The following SOS1 variants were observed in gnomAD, a reference collection of about 807,000 sequenced individuals.
SOS1 encodes son of sevenless homolog 1.
In SOS1, 25 loss-of-function variants were observed where a neutral mutation model predicts 157.6. The ratio of observed to expected loss-of-function variants is 0.16; its 90% CI spans 0.12 to 0.22. SOS1 has a LOEUF of 0.22. SOS1 is among the 10% of genes least tolerant of loss of function. The pLI is 1.00. For missense variants in SOS1, 1,237 were observed against 1,599.1 expected (o/e 0.77, Z 3.86); for synonymous variants, 528 against 534.0 (o/e 0.99, Z 0.16).
intron 1 of SOS1, among the ~76,000 whole-genome samples, chr2:39,103,454 T>C (rs929031294): frequency 2.6e-5 from 4 of 152,104 alleles, no homozygotes; most frequent in Non-Finnish European, 4.4e-5. Flanking sequence ...AGCATAGACA[T>C]ATAGACCAAC....
intron 6 of SOS1, 138 bp downstream of exon 6, chr2:39,051,006 T>G: frequency 1.3e-6 from 1 of 797,296 alleles, no homozygotes; most frequent in South Asian, 1.4e-5. Flanking sequence ...ACAATGACCC[T>G]ATGAAAAAGG....
chr2:39,003,066 C>CAAAAAA (rs57338404), intron 17 of SOS1, among the ~76,000 whole-genome samples: 14 of 72,292 alleles, frequency 1.9e-4, no homozygotes, highest in African/African-American at 4.0e-4. Flanking sequence ...GACCTTGTAT[C>CAAAAAA]AAAAAAAAAA....
At chr2:39,009,378 T>C (rs1420236529) in intron 15 of SOS1, among the ~76,000 whole-genome samples, 13 of 152,062 alleles carry the variant, frequency 8.5e-5, no homozygotes, top group Non-Finnish European at 1.5e-5. Flanking sequence ...GAAGAAATAC[T>C]AAAGGAAGTT....
chr2:39,102,750 T>C (rs1673019646), intron 1 of SOS1, among the ~76,000 whole-genome samples: 2 of 151,808 alleles, frequency 1.3e-5, no homozygotes, highest in South Asian at 2.1e-4. Context: ...TTCAAGACCA[T>C]CCTGGCCAAC....
At chr2:39,043,772 GCCCCA>G (rs1315922646) in intron 6 of SOS1, among the ~76,000 whole-genome samples, 2 of 151,978 alleles carry the variant, frequency 1.3e-5, no homozygotes, top group Admixed American at 1.3e-4. Flanking sequence ...CATCATGGGG[GCCCCA>G]CCCCACCCTG....
At chr2:39,073,948 ATCTC>A (rs1224116221) in intron 1 of SOS1, among the ~76,000 whole-genome samples, 8 of 152,314 alleles carry the variant, frequency 5.3e-5, no homozygotes, top group Middle Eastern at 6.8e-3. Context: ...GAATAATCAA[ATCTC>A]TTTCTTAGTG....
At chr2:39,021,934 A>T (rs1487735004) in intron 10 of SOS1, among the ~76,000 whole-genome samples, 1 of 151,842 alleles carries the variant, frequency 6.6e-6, no homozygotes, top group Non-Finnish European at 1.5e-5. Flanking sequence ...TTATATGGAA[A>T]AAAATGACAA....
rs577954996 is a variant in SOS1 at position 39,061,274 on chromosome 2, G to A, written c.214-2470C>T. Among the ~76,000 whole-genome samples, 190 of 141,176 alleles carry A rather than the reference G, an allele frequency of 1.3e-3. 1 individual carries two copies. Among genetic ancestry groups the A allele is most frequent in the Non-Finnish European group, 2.3e-3 (150 of 65,314 alleles). The allele number at this position is 141,176 out of a possible 152,430, so 92.6% of individuals were successfully genotyped here. A position where few individuals can be genotyped will look rare whatever the true frequency, so the allele number is the denominator to read the frequency against. On this transcript the variant is annotated intron_variant, in intron 2 of 22. Transcript: ENST00000402219. Reference sequence around the variant, plus strand: ...TAAAAAAAAAAAAAAAAAAAAAGGTGTTTTGAATGTGGAGAGGCCATACTG... The same window carrying A: ...TAAAAAAAAAAAAAAAAAAAAAGGTATTTTGAATGTGGAGAGGCCATACTG...
chr2:39,025,403 G>A (rs1272336733), intron 8 of SOS1, among the ~76,000 whole-genome samples: 1 of 151,682 alleles, frequency 6.6e-6, no homozygotes, highest in African/African-American at 2.4e-5. Context: ...AGGCTAGGGT[G>A]CAGCGGTGCA....
chr2:39,109,284 T>G (rs1673326306), intron 1 of SOS1, among the ~76,000 whole-genome samples: 1 of 152,242 alleles, frequency 6.6e-6, no homozygotes, highest in African/African-American at 2.4e-5. Context: ...GACAGTCTCC[T>G]AGCTTCTCAT....
At chr2:39,090,335 G>T (rs1306681051) in intron 1 of SOS1, among the ~76,000 whole-genome samples, 1 of 152,018 alleles carries the variant, frequency 6.6e-6, no homozygotes, top group African/African-American at 2.4e-5. Context: ...TCTTTGTGGG[G>T]GCTGGGGGCT....
Position 39,014,769 on chromosome 2 carries a change from C to G in SOS1, c.1936G>C (p.Glu646Gln). Residue 646 changes from glutamate to glutamine, a missense_variant, in exon 11 of 23, where the codon GAA becomes CAA. Transcript: ENST00000402219. ...ATATTTTTTAAATGGACAGACCTTTCTATTATAAGACTCAGTAGTTCTTGA... is the reference window on the plus strand; with the variant it reads ...ATATTTTTTAAATGGACAGACCTTTGTATTATAAGACTCAGTAGTTCTTGA... ...KPQELLSLII[E>Q]RFEIPEPEPT... The G allele has an allele frequency of 6.6e-7, 1 of 1,517,140 alleles. No individual in the cohort carries two copies. The highest frequency in any genetic ancestry group is 9.1e-7 in the Non-Finnish European group (1 of 1,094,176). 94.0% of individuals were successfully genotyped at this position (1,517,140 alleles called of 1,614,324 possible).
intron 8 of SOS1, among the ~76,000 whole-genome samples, chr2:39,029,411 A>G (rs1044373839): frequency 2.0e-5 from 3 of 152,150 alleles, no homozygotes; most frequent in Non-Finnish European, 2.9e-5. Context: ...AGATCACTTG[A>G]GTCCAGGAGT....
At chr2:39,021,843 A>C (rs1022550018) in intron 10 of SOS1, among the ~76,000 whole-genome samples, 9 of 151,812 alleles carry the variant, frequency 5.9e-5, no homozygotes, top group Non-Finnish European at 1.0e-4. Flanking sequence ...CTAGATCATA[A>C]AGAACATAGA....
At position 39,005,612 on chromosome 2, in the gene SOS1, G is replaced by C. The variant is rs563790580; in HGVS notation, c.2791+800C>G. ...ATTAGAAGTAAATACAAAAATGGTT[G>C]CTATAAAGCCCAAACAATAAAATGT... On this transcript the variant is annotated intron_variant, in intron 17 of 22. Transcript: ENST00000402219. 2.6e-5 allele frequency among the ~76,000 whole-genome samples: 4 copies of C among 152,154 alleles called. No individual in the cohort carries two copies. In the South Asian group the frequency reaches 8.3e-4, roughly 32 times the overall value.
At chr2:39,106,927 C>CTGTT (rs1673215073) in intron 1 of SOS1, among the ~76,000 whole-genome samples, 2 of 152,248 alleles carry the variant, frequency 1.3e-5, no homozygotes, top group Admixed American at 1.3e-4. Context: ...TTTTGTCTTA[C>CTGTT]TGTTCTGTTT....
chr2:39,042,625 A>G (rs1670610914), intron 6 of SOS1, among the ~76,000 whole-genome samples: 1 of 151,506 alleles, frequency 6.6e-6, no homozygotes. Context: ...GACTGGTCTC[A>G]AACTCCTGAC....
At chr2:39,075,779 C>T (rs1671950408) in intron 1 of SOS1, among the ~76,000 whole-genome samples, 1 of 151,912 alleles carries the variant, frequency 6.6e-6, no homozygotes, top group Non-Finnish European at 1.5e-5. Context: ...GAAGGAGGGG[C>T]ATAACTACAA....
chr2:39,058,913 G>T, intron 2 of SOS1, 109 bp from the exon 3 acceptor site: 1 of 841,992 alleles, frequency 1.2e-6, no homozygotes, highest in Non-Finnish European at 1.9e-6. Context: ...CTTTTCACAT[G>T]TGGTATAATT....
Sources: gnomAD v4.1 joint callset for allele counts (sites outside exome capture counted in the v4.1 genomes callset) on GRCh38, gnomAD v4.1.1 for gene constraint, MANE v1.5 for transcripts, NCBI Gene and HGNC (gene_info 2026-07-23, HGNC 2026-07-21) for gene names.